Variants in KIF26B observed in about 807,000 individuals in gnomAD.
KIF26B encodes the protein kinesin family member 26B.
KIF26B carries 63 observed loss-of-function variants against 151.2 expected under a neutral mutation model. The observed-to-expected ratio is 0.42, with a 90% confidence interval of 0.34 to 0.51. The LOEUF is 0.51. Among genes scored for constraint, KIF26B ranks in the 20% least tolerant of loss-of-function variants. The pLI is 0.07. For missense variants in KIF26B, 2,813 were observed against 2,913.6 expected, an observed-to-expected ratio of 0.97 and a Z score of 0.79; for synonymous variants, 1,357 against 1,262.1, an observed-to-expected ratio of 1.08 and a Z score of -1.59.
In KIF26B at chr1:245,667,899, T is replaced by TTG. The variant is rs111692228; in HGVS notation, c.2259-16330_2259-16329dup. ...GCTGCTTCTGTTTGTTTGTTTTGTT[T>TTG]TGTGTTTTTGAGATGGAGTCTCACT... is the stretch of plus-strand genomic sequence containing the variant. On this transcript the variant is annotated intron_variant, in intron 10 of 14. Coordinates refer to ENST00000407071, the MANE Select transcript of KIF26B (RefSeq NM_018012.4). The surrounding 1 kb of genome is among the most constrained non-coding windows in gnomAD (Gnocchi z 4.3). Among the ~76,000 whole-genome samples the TTG allele has an allele frequency of 7.9e-5, 12 of 152,312 alleles. No homozygotes were observed. The highest frequency in any genetic ancestry group is 2.6e-4 in the African/African-American group (11 of 41,568).
chr1:245,219,127 CTTTTTTTTTTTTTTTTTTTT>C (rs1166578525), intron 2 of KIF26B, among the ~76,000 whole-genome samples: 1 of 56,144 alleles, frequency 1.8e-5, no homozygotes, highest in Non-Finnish European at 3.2e-5. Flanking sequence ...ATACCTACCT[CTTTTTTTTTTTTTTTTTTTT>C]TTTTTTTTTG....
At chr1:245,246,249 C>T (rs763965564) in intron 2 of KIF26B, among the ~76,000 whole-genome samples, 2 of 152,296 alleles carry the variant, frequency 1.3e-5, no homozygotes, top group South Asian at 2.1e-4. Context: ...TTGAAAAGAA[C>T]CCCTTTCAGA....
At position 245,294,648 on chromosome 1, in the gene KIF26B, A is replaced by T. The variant is rs74413842; in HGVS notation, c.466-72186A>T. Among the ~76,000 whole-genome samples, 471 of 152,142 alleles carry T rather than the reference A, an allele frequency of 3.1e-3. 2 individuals are homozygous for T. The highest frequency in any genetic ancestry group is 0.011 in the African/African-American group (455 of 41,506). On this transcript the variant is annotated intron_variant, in intron 2 of 14. Coordinates refer to ENST00000407071, the MANE Select transcript of KIF26B (RefSeq NM_018012.4). ...TGGAGACCAGGAAAGGGTTCAGACT[A>T]GTTCTTATTATTATTACTTTTTTTT... is the stretch of plus-strand genomic sequence containing the variant.
chr1:245,416,612 T>A (rs149581200), intron 3 of KIF26B, among the ~76,000 whole-genome samples: 20 of 152,100 alleles, frequency 1.3e-4, no homozygotes, highest in African/African-American at 4.6e-4. Context: ...TGTAAAAGCA[T>A]CCAGCAGAGG....
chr1:245,193,230 A>C (rs1014829887), intron 2 of KIF26B, among the ~76,000 whole-genome samples: 5 of 152,238 alleles, frequency 3.3e-5, no homozygotes, highest in African/African-American at 1.2e-4. Flanking sequence ...TCTTGGCTGC[A>C]TAGTGTTCCA....
At chr1:245,529,792 G>A (rs927068408) in intron 4 of KIF26B, among the ~76,000 whole-genome samples, 3 of 152,144 alleles carry the variant, frequency 2.0e-5, no homozygotes, top group African/African-American at 7.2e-5. Flanking sequence ...CACCCCACAA[G>A]CACAGGTAAC....
intron 2 of KIF26B, among the ~76,000 whole-genome samples, chr1:245,203,712 A>T (rs540059492): frequency 7.9e-5 from 12 of 151,190 alleles, no homozygotes; most frequent in Non-Finnish European, 1.0e-4. Context: ...TGCTCCCTGG[A>T]GGTGCCGCAT....
At chr1:245,402,579 C>T (rs545581811) in intron 3 of KIF26B, among the ~76,000 whole-genome samples, 2 of 152,250 alleles carry the variant, frequency 1.3e-5, no homozygotes, top group South Asian at 4.2e-4. Flanking sequence ...GAGTGCGATC[C>T]GTGAACCCAA....
At chr1:245,338,984 G>GGTTTTTTTTTTTTT (rs1553348303) in intron 2 of KIF26B, among the ~76,000 whole-genome samples, 1 of 140,962 alleles carries the variant, frequency 7.1e-6, no homozygotes. Flanking sequence ...TGCTTTTAGG[G>GGTTTTTTTTTTTTT]TTTTTTTTTT....
At chr1:245,168,621 A>G (rs1381204623) in intron 2 of KIF26B, among the ~76,000 whole-genome samples, 1 of 152,252 alleles carries the variant, frequency 6.6e-6, no homozygotes, top group Non-Finnish European at 1.5e-5. Context: ...GTAGCAGTAT[A>G]GGAACACCAG....
intron 2 of KIF26B, 150 bp downstream of exon 2, chr1:245,156,833 C>T (rs1046187575): frequency 4.2e-5 from 19 of 452,524 alleles, no homozygotes; most frequent in Non-Finnish European, 6.5e-5. Flanking sequence ...CCTCACGGGG[C>T]TCTAGCACGC....
intron 2 of KIF26B, among the ~76,000 whole-genome samples, chr1:245,171,135 G>A (rs1668699898): frequency 6.6e-6 from 1 of 152,218 alleles, no homozygotes; most frequent in Non-Finnish European, 1.5e-5. Context: ...GACATTGACA[G>A]GGTCGTGCTG....
intron 2 of KIF26B, among the ~76,000 whole-genome samples, chr1:245,304,519 A>G (rs1671499829): frequency 6.6e-6 from 1 of 152,200 alleles, no homozygotes; most frequent in Non-Finnish European, 1.5e-5. Flanking sequence ...AGGAGGAAGT[A>G]TCCCTTCTCT....
intron 4 of KIF26B, among the ~76,000 whole-genome samples, chr1:245,476,108 G>A (rs1051005874): frequency 2.0e-5 from 3 of 151,956 alleles, no homozygotes; most frequent in African/African-American, 7.2e-5. Context: ...ATGCTGCCAT[G>A]TGGATGGACC....
intron 5 of KIF26B, among the ~76,000 whole-genome samples, chr1:245,591,034 T>G (rs2043283910): frequency 6.6e-6 from 1 of 151,974 alleles, no homozygotes; most frequent in African/African-American, 2.4e-5. Context: ...TCAAACGTGG[T>G]TAAAGGGAGA....
rs1291959594 is a variant in KIF26B, at chr1:245,244,055, C to T, written c.465+87372C>T. On this transcript the variant is annotated intron_variant, in intron 2 of 14. Coordinates refer to ENST00000407071, the MANE Select transcript of KIF26B (RefSeq NM_018012.4). This position sits in a 1 kb window ranked among gnomAD's most constrained non-coding sequence, Gnocchi z 4.2. ...CCTCACTCAAGCAATCCTCTTGCCTCGGCCTCTTGTCCTGTTGAGTAGCTA... is the reference window on the plus strand; with the variant it reads ...CCTCACTCAAGCAATCCTCTTGCCTTGGCCTCTTGTCCTGTTGAGTAGCTA... Among the ~76,000 whole-genome samples the T allele has an allele frequency of 2.0e-5, 3 of 152,098 alleles. No individual in the cohort carries two copies. The highest frequency in any genetic ancestry group is 4.8e-5 in the African/African-American group (2 of 41,400).
chr1:245,676,224 G>A (rs535736473), intron 10 of KIF26B: 1 of 152,304 alleles, frequency 6.6e-6, no homozygotes, highest in Admixed American at 6.5e-5. Flanking sequence ...CATGGCCTTG[G>A]CATGAATATA....
intron 5 of KIF26B, among the ~76,000 whole-genome samples, chr1:245,549,787 C>CTTT (rs35606217): frequency 1.3e-5 from 2 of 148,412 alleles, no homozygotes; most frequent in Non-Finnish European, 1.5e-5. Context: ...CCGATACATT[C>CTTT]TTTTTTTTTT....
intron 2 of KIF26B, among the ~76,000 whole-genome samples, chr1:245,340,110 G>A (rs1672307463): frequency 6.6e-6 from 1 of 152,214 alleles, no homozygotes; most frequent in South Asian, 2.1e-4. Context: ...TTCCAGCTGA[G>A]CTAGAGTCTC....
Sources: gnomAD v4.1 joint callset for allele counts (sites outside exome capture counted in the v4.1 genomes callset) on GRCh38, gnomAD v4.1.1 for gene constraint, Gnocchi (gnomAD v3.1) non-coding constraint, MANE v1.5 for transcripts, NCBI Gene and HGNC (gene_info 2026-07-23, HGNC 2026-07-21) for gene names.